The following SEMA5A variants were observed in gnomAD, a reference collection of about 807,000 sequenced individuals.
The protein encoded by SEMA5A is semaphorin 5A.
A neutral mutation model predicts 135.5 loss-of-function variants in SEMA5A; 55 were observed. That is an observed-to-expected ratio of 0.41 (90% CI 0.33 to 0.51). The LOEUF (loss-of-function observed/expected upper bound fraction) is 0.51, where lower values mean the gene tolerates loss of function less well. Among genes scored for constraint, SEMA5A ranks in the 20% least tolerant of loss-of-function variants. The probability of loss-of-function intolerance (pLI) is 0.37; values close to 1 mark genes in which losing one functional copy is unlikely to be tolerated. For synonymous variants in SEMA5A, 580 were observed against 546.5 expected (o/e 1.06, Z -0.85); for missense variants, 1,290 against 1,419.9 (o/e 0.91, Z 1.47).
At chr5:9,414,006 C>CT (rs796092564) in intron 2 of SEMA5A, among the ~76,000 whole-genome samples, 70 of 152,212 alleles carry the variant, frequency 4.6e-4, no homozygotes, top group African/African-American at 1.6e-3. Flanking sequence ...CATTTCCTAA[C>CT]TTTTTTTCAA....
chr5:9,282,900 C>T (rs1445331992), intron 5 of SEMA5A, among the ~76,000 whole-genome samples: 1 of 152,082 alleles, frequency 6.6e-6, no homozygotes, highest in Admixed American at 6.6e-5. Flanking sequence ...GGCTGTTAAT[C>T]GATTGAGCCA....
intron 10 of SEMA5A, among the ~76,000 whole-genome samples, chr5:9,195,148 A>G (rs1376434505): frequency 1.3e-5 from 2 of 152,216 alleles, no homozygotes; most frequent in African/African-American, 2.4e-5. Context: ...AACATTTGAT[A>G]TGTAGAAGGC....
At chr5:9,088,637 A>ATATATATATAT (rs1738846706) in intron 16 of SEMA5A, among the ~76,000 whole-genome samples, 8 of 108,088 alleles carry the variant, frequency 7.4e-5, no homozygotes, top group African/African-American at 3.4e-4. Flanking sequence ...CTACATTTAT[A>ATATATATATAT]ATATATATAT....
chr5:9,435,644 C>A (rs1254597657), intron 2 of SEMA5A, among the ~76,000 whole-genome samples: 1 of 152,168 alleles, frequency 6.6e-6, no homozygotes, highest in Non-Finnish European at 1.5e-5. Context: ...GTGCAAGGAT[C>A]GTGTCAATCA....
At chr5:9,485,063 C>A (rs1225510554) in intron 1 of SEMA5A, among the ~76,000 whole-genome samples, 1 of 152,056 alleles carries the variant, frequency 6.6e-6, no homozygotes. Flanking sequence ...ACAGTTCAGA[C>A]TTAGACTAAT....
rs1485448701 is a variant in SEMA5A at position 9,131,642 on chromosome 5, AAAAAAAAAAAAAAAAAC to A, written c.1599+4845_1599+4861del. Among the ~76,000 whole-genome samples the A allele has an allele frequency of 4.6e-4, 17 of 36,644 alleles. 5 individuals carry two copies. Among genetic ancestry groups the A allele is most frequent in the Admixed American group, 6.5e-4 (2 of 3,066 alleles). The allele number at this position is 36,644 out of a possible 152,430, so 24.0% of individuals were successfully genotyped here. A position where few individuals can be genotyped will look rare whatever the true frequency, so the allele number is the denominator to read the frequency against. On this transcript the variant is annotated intron_variant, in intron 13 of 22. Transcript: ENST00000382496. ...AAAAAAAAAAAAAAAAAAAAAAAAA[AAAAAAAAAAAAAAAAAC>A]CTGTCATGTGAGCAATAGAGCAAGA...
chr5:9,313,743 T>C (rs918937665), intron 5 of SEMA5A, among the ~76,000 whole-genome samples: 1 of 152,142 alleles, frequency 6.6e-6, no homozygotes, highest in East Asian at 1.9e-4. Context: ...AGGTGTTGTC[T>C]CCAGTGAAAC....
chr5:9,509,785 C>T (rs184560871), intron 1 of SEMA5A, among the ~76,000 whole-genome samples: 137 of 152,272 alleles, frequency 9.0e-4, no homozygotes, highest in African/African-American at 3.2e-3. Context: ...TTTCTCCAAA[C>T]CACTCATTCA....
At chr5:9,239,890 A>G (rs929331720) in intron 5 of SEMA5A, among the ~76,000 whole-genome samples, 3 of 152,106 alleles carry the variant, frequency 2.0e-5, no homozygotes, top group African/African-American at 7.2e-5. Context: ...CTATAAAGAG[A>G]AGGATTAGTC....
chr5:9,372,270 C>G (rs973208392), intron 3 of SEMA5A, among the ~76,000 whole-genome samples: 1 of 152,238 alleles, frequency 6.6e-6, no homozygotes, highest in African/African-American at 2.4e-5. Context: ...CACACAACTG[C>G]TTGGTGCATT....
At chr5:9,518,508 T>A (rs1429532747) in intron 1 of SEMA5A, among the ~76,000 whole-genome samples, 1 of 152,220 alleles carries the variant, frequency 6.6e-6, no homozygotes, top group Non-Finnish European at 1.5e-5. Context: ...CTGGATATCC[T>A]ATTTAAAGGT....
chr5:9,195,442 G>C (rs905269245), intron 10 of SEMA5A, among the ~76,000 whole-genome samples: 1 of 152,172 alleles, frequency 6.6e-6, no homozygotes, highest in Non-Finnish European at 1.5e-5. Context: ...AAAGCACTGT[G>C]ATTATAGGCA....
intron 5 of SEMA5A, among the ~76,000 whole-genome samples, chr5:9,300,018 C>G (rs1751533487): frequency 6.6e-6 from 1 of 151,948 alleles, no homozygotes; most frequent in South Asian, 2.1e-4. Context: ...AAATTCTGCC[C>G]TCTTGTTTCT....
At chr5:9,100,005 T>C (rs1263292196) in intron 16 of SEMA5A, among the ~76,000 whole-genome samples, 1 of 152,218 alleles carries the variant, frequency 6.6e-6, no homozygotes, top group Non-Finnish European at 1.5e-5. Context: ...TTTTCTTTCA[T>C]GTGTCCCAGG....
chr5:9,485,650 G>A (rs978998385), intron 1 of SEMA5A, among the ~76,000 whole-genome samples: 19 of 152,252 alleles, frequency 1.2e-4, no homozygotes, highest in Non-Finnish European at 2.6e-4. Flanking sequence ...GAGGTGCCCC[G>A]AATGACTGTT....
intron 2 of SEMA5A, among the ~76,000 whole-genome samples, chr5:9,427,878 G>T (rs1223084037): frequency 4.6e-5 from 7 of 152,012 alleles, no homozygotes. Context: ...TTTACATATA[G>T]ATTTCAGAGA....
chr5:9,508,187 T>C (rs910472954), intron 1 of SEMA5A, among the ~76,000 whole-genome samples: 2 of 152,086 alleles, frequency 1.3e-5, no homozygotes, highest in South Asian at 2.1e-4. Context: ...CCACAGCATA[T>C]GCTTTCTCCA....
In SEMA5A at chr5:9,070,483, T is replaced by C. The variant is rs1737715921; in HGVS notation, c.2074-3837A>G. ...ACCTATAAATTAGTAAAATCCTACA[T>C]CTTCATAAACAGATTTATAGGATAC... On this transcript the variant is annotated intron_variant, in intron 16 of 22. Transcript: ENST00000382496. Among the ~76,000 whole-genome samples the C allele has an allele frequency of 2.0e-5, 3 of 152,204 alleles. No individual in the cohort carries two copies. In the South Asian group the frequency reaches 6.2e-4, roughly 31 times the overall value.
chr5:9,092,028 C>G (rs1399814844), intron 16 of SEMA5A, among the ~76,000 whole-genome samples: 1 of 152,206 alleles, frequency 6.6e-6, no homozygotes, highest in Non-Finnish European at 1.5e-5. Flanking sequence ...ATGATACTTT[C>G]TATCAGGCAT....
Sources: allele counts gnomAD v4.1 joint callset (sites outside exome capture counted in the v4.1 genomes callset), GRCh38; gene constraint gnomAD v4.1.1; transcripts MANE v1.5; gene names NCBI Gene and HGNC (gene_info 2026-07-23, HGNC 2026-07-21).